The following VAC14 variants were observed in gnomAD, a reference collection of about 807,000 sequenced individuals.
VAC14 encodes VAC14 component of PIKFYVE complex.
A neutral mutation model predicts 85.3 loss-of-function variants in VAC14; 47 were observed. That is an observed-to-expected ratio of 0.55 (90% CI 0.44 to 0.70). VAC14 has a LOEUF of 0.70. Ranked by LOEUF, VAC14 falls within the 30% of genes least tolerant of loss-of-function variation. The pLI is 0.00. For synonymous variants in VAC14, 447 were observed against 430.5 expected (o/e 1.04, Z -0.47); for missense variants, 861 against 1,004.3 (o/e 0.86, Z 1.93).
intron 15 of VAC14, 64 bp downstream of exon 15, chr16:70,698,573 C>T: frequency 6.3e-7 from 1 of 1,594,824 alleles, no homozygotes; most frequent in South Asian, 1.1e-5. Flanking sequence ...GGGGCGGGCT[C>T]ACACAGGGTG....
At chr16:70,783,390 G>A (rs1232754084) in intron 6 of VAC14, 55 bp downstream of exon 6, 5 of 1,564,016 alleles carry the variant, frequency 3.2e-6, no homozygotes, top group East Asian at 2.2e-5. Flanking sequence ...TGAAGCACAT[G>A]GGCACAGCTG....
At chr16:70,797,136 T>C (rs2034580401) in intron 1 of VAC14, among the ~76,000 whole-genome samples, 1 of 152,196 alleles carries the variant, frequency 6.6e-6, no homozygotes, top group Non-Finnish European at 1.5e-5. Context: ...TGAGCTAAAA[T>C]CAAGATGTTG....
At position 70,694,923 on chromosome 16, in the gene VAC14, G is replaced by A. The variant is rs868377577; in HGVS notation, c.2035+621C>T. Reference sequence around the variant, plus strand: ...CACAACTTCAGAGAGCCAGAGCAGAGGCAGCAGACCCGGAGGGGTGGCTGG... The same window carrying A: ...CACAACTTCAGAGAGCCAGAGCAGAAGCAGCAGACCCGGAGGGGTGGCTGG... On this transcript the variant is annotated intron_variant, in intron 17 of 18. Coordinates refer to ENST00000261776, the MANE Select transcript of VAC14 (RefSeq NM_018052.5). 1.3e-5 allele frequency among the ~76,000 whole-genome samples: 2 copies of A among 152,348 alleles called. 1 individual carries two copies. Among genetic ancestry groups the A allele is most frequent in the South Asian group, 4.1e-4 (2 of 4,832 alleles).
At chr16:70,695,488 C>A (rs1018306459) in intron 17 of VAC14, 56 bp downstream of exon 17, 49 of 1,569,126 alleles carry the variant, frequency 3.1e-5, no homozygotes, top group Admixed American at 8.4e-5. Context: ...TCACCCACCC[C>A]ACTCCAGGGC....
intron 14 of VAC14, among the ~76,000 whole-genome samples, chr16:70,717,591 A>G (rs1319450433): frequency 6.6e-6 from 1 of 152,066 alleles, no homozygotes; most frequent in Non-Finnish European, 1.5e-5. Context: ...ACTGGACAAG[A>G]GCTAGTTGCT....
intron 14 of VAC14, chr16:70,699,156 G>A (rs1213425805): frequency 4.2e-6 from 1 of 236,108 alleles, no homozygotes; most frequent in Non-Finnish European, 8.7e-6. Flanking sequence ...ACATGTCTGA[G>A]CAATGGCCCC....
chr16:70,698,810 G>A lies in VAC14; in HGVS notation c.1663C>T (p.Gln555Ter). ...TCCGCATTCAGCAGGAGGCACAGCT[G>A]CCTGGAGAGCAGGCAGACTGGGGTC... ...LEVRGPFIIR[Q>*]LCLLLNAENI... is the part of the protein sequence containing the mutation. Residue 555 changes from glutamine (Q) to a stop codon, truncating the protein, a stop_gained and splice_region_variant, in exon 15 of 19, where the codon CAG becomes TAG. Coordinates refer to ENST00000261776, the MANE Select transcript of VAC14 (RefSeq NM_018052.5). LOFTEE classifies it high-confidence loss of function. 1 of 1,613,770 alleles carries A rather than the reference G, an allele frequency of 6.2e-7. No homozygotes were observed. The highest frequency in any genetic ancestry group is 8.5e-7 in the Non-Finnish European group (1 of 1,179,974).
At chr16:70,737,876 C>T (rs938224902) in intron 13 of VAC14, among the ~76,000 whole-genome samples, 2 of 152,200 alleles carry the variant, frequency 1.3e-5, no homozygotes, top group Admixed American at 6.5e-5. Flanking sequence ...CGTCAGCCAC[C>T]CAGTTCAGGC....
intron 12 of VAC14, chr16:70,755,294 G>A (rs79274930): frequency 0.011 from 2,857 of 265,450 alleles, 28 homozygotes; most frequent in Non-Finnish European, 0.017. Context: ...GGGAAGGAAG[G>A]TGCAGGAGAA....
At chr16:70,778,643 TACTCTA>T (rs1323208114) in intron 9 of VAC14, 1 of 152,206 alleles carries the variant, frequency 6.6e-6, no homozygotes, top group African/African-American at 2.4e-5. Flanking sequence ...AGGCAACTGT[TACTCTA>T]TTTTCTGACT....
At chr16:70,710,033 C>T (rs1408337697) in intron 14 of VAC14, among the ~76,000 whole-genome samples, 1 of 152,200 alleles carries the variant, frequency 6.6e-6, no homozygotes, top group African/African-American at 2.4e-5. Flanking sequence ...GGAGGCCAGC[C>T]CTGCCCACGA....
chr16:70,774,767 A>G (rs1418317797), intron 9 of VAC14, among the ~76,000 whole-genome samples: 1 of 93,630 alleles, frequency 1.1e-5, no homozygotes, highest in Non-Finnish European at 2.0e-5. Flanking sequence ...TTTTTTTGAT[A>G]CGGTTTGACT....
chr16:70,768,671 TTA>T (rs1369178734), intron 10 of VAC14: 1 of 359,486 alleles, frequency 2.8e-6, no homozygotes, highest in Non-Finnish European at 5.6e-6. Flanking sequence ...GCTCTCAGGT[TTA>T]GTCAGTTAAT....
chr16:70,768,171 C>T (rs2032955920), intron 10 of VAC14, among the ~76,000 whole-genome samples: 1 of 152,206 alleles, frequency 6.6e-6, no homozygotes, highest in Non-Finnish European at 1.5e-5. Flanking sequence ...CAGGCGTGAG[C>T]CACTGTGCCT....
At chr16:70,785,320 A>G (rs968384477) in intron 3 of VAC14, among the ~76,000 whole-genome samples, 11 of 152,212 alleles carry the variant, frequency 7.2e-5, no homozygotes, top group Admixed American at 3.9e-4. Context: ...GGAGGAGAGC[A>G]TGAGCTTTTT....
chr16:70,692,010 C>T (rs993033810), intron 18 of VAC14: 5 of 984,662 alleles, frequency 5.1e-6, no homozygotes, highest in African/African-American at 1.8e-5. Context: ...CTCCATTCAG[C>T]GTAAATCTTC....
At position 70,800,892 on chromosome 16, in the gene VAC14, G is replaced by C. The variant is rs1277914347; in HGVS notation, c.9C>G (p.Pro3=). 5.0e-6 allele frequency: 8 copies of C among 1,595,008 alleles called. No individual in the cohort carries two copies. The highest frequency in any genetic ancestry group is 6.8e-6 in the Non-Finnish European group (8 of 1,170,098). MN[P]EKDFAPLTPN... is the part of the protein sequence containing the mutation. ...GCGTGAGCGGCGCGAAATCCTTCTCGGGGTTCATGGTGGCAGCTGGGGGAA... is the reference window on the plus strand; with the variant it reads ...GCGTGAGCGGCGCGAAATCCTTCTCCGGGTTCATGGTGGCAGCTGGGGGAA... The change falls in exon 1 of 19, where the codon CCC becomes CCG. Residue 3 remains proline, a synonymous_variant. Transcript: ENST00000261776.
chr16:70,774,452 A>G (rs948892712), intron 9 of VAC14, among the ~76,000 whole-genome samples: 4 of 152,186 alleles, frequency 2.6e-5, no homozygotes, highest in African/African-American at 4.8e-5. Context: ...CGTTAACCTC[A>G]TCGCCTGACG....
chr16:70,699,139 A>G, intron 14 of VAC14: 1 of 285,520 alleles, frequency 3.5e-6, no homozygotes, highest in South Asian at 4.7e-5. Flanking sequence ...CACCTTCCTG[A>G]ACTCCCACAT....
Sources: allele counts gnomAD v4.1 joint callset (sites outside exome capture counted in the v4.1 genomes callset), GRCh38; gene constraint gnomAD v4.1.1; transcripts MANE v1.5; gene names NCBI Gene and HGNC (gene_info 2026-07-23, HGNC 2026-07-21).